MAP4K3: variants seen among roughly 807,000 people sequenced by gnomAD.
MAP4K3 encodes mitogen-activated protein kinase kinase kinase kinase 3.
Under a neutral mutation model 143.5 loss-of-function variants are expected in MAP4K3, and 94 were observed. The observed-to-expected ratio is 0.65, with a 90% CI of 0.55 to 0.78. MAP4K3 has a LOEUF of 0.78. Among genes scored for constraint, MAP4K3 ranks in the 30% least tolerant of loss-of-function variants. MAP4K3 has a pLI of 0.00. For missense variants in MAP4K3, 1,077 were observed against 1,068.1 expected, an observed-to-expected ratio of 1.01 and a Z score of -0.12; for synonymous variants, 416 against 347.2, an observed-to-expected ratio of 1.20 and a Z score of -2.20.
intron 21 of MAP4K3, 28 bp from the exon 22 acceptor site, chr2:39,282,582 A>G: frequency 6.4e-7 from 1 of 1,557,536 alleles, no homozygotes; most frequent in Middle Eastern, 1.7e-4. Flanking sequence ...GTATGATTAC[A>G]CTTTTTTTGC....
In MAP4K3 at chr2:39,260,496, T is replaced by C. The variant is rs916530815; in HGVS notation, c.2308+110A>G. 48 of 784,406 alleles carry C rather than the reference T, an allele frequency of 6.1e-5. No homozygotes were observed. The Admixed American group carries it at 1.3e-3, about 21-fold the overall frequency. 48.6% of individuals were successfully genotyped at this position (784,406 alleles called of 1,614,324 possible). A position where few individuals can be genotyped will look rare whatever the true frequency, so the allele number is the denominator to read the frequency against. On this transcript the variant is annotated intron_variant, in intron 29 of 33. Coordinates refer to ENST00000263881, the MANE Select transcript of MAP4K3 (RefSeq NM_003618.4). ...CCTTCTTCCAGTTTAATAATAGTTA[T>C]TGAAGACTGGCAGTATATGCAGTTT...
intron 1 of MAP4K3, among the ~76,000 whole-genome samples, chr2:39,404,405 C>T (rs1667036090): frequency 6.6e-6 from 1 of 152,082 alleles, no homozygotes; most frequent in African/African-American, 2.4e-5. Flanking sequence ...GACTGAAGAA[C>T]CCTCAGGTCT....
chr2:39,300,801 CAG>C (rs1462066520), intron 15 of MAP4K3, among the ~76,000 whole-genome samples: 1 of 152,218 alleles, frequency 6.6e-6, no homozygotes, highest in African/African-American at 2.4e-5. Context: ...ATTTAACACA[CAG>C]AGCTGCTCTA....
At chr2:39,392,129 G>A (rs1666679968) in intron 1 of MAP4K3, among the ~76,000 whole-genome samples, 1 of 131,404 alleles carries the variant, frequency 7.6e-6, no homozygotes, top group Non-Finnish European at 1.5e-5. Context: ...AGGTTGCAGT[G>A]AGCTGAGATT....
chr2:39,435,787 G>A (rs1378083793), intron 1 of MAP4K3, among the ~76,000 whole-genome samples: 1 of 152,166 alleles, frequency 6.6e-6, no homozygotes, highest in African/African-American at 2.4e-5. Flanking sequence ...ATATTGCATA[G>A]TAGGAAAAGT....
intron 1 of MAP4K3, among the ~76,000 whole-genome samples, chr2:39,387,909 T>C (rs1019823756): frequency 2.0e-5 from 3 of 152,238 alleles, no homozygotes; most frequent in African/African-American, 7.2e-5. Flanking sequence ...TAAAAACAGA[T>C]TGAGGCTATC....
chr2:39,274,566 G>C (rs1681170428), intron 24 of MAP4K3, among the ~76,000 whole-genome samples: 1 of 152,114 alleles, frequency 6.6e-6, no homozygotes, highest in African/African-American at 2.4e-5. Context: ...AGCTTTACTA[G>C]ATTTTCAATG....
At chr2:39,263,272 G>GTTT (rs869070441) in intron 28 of MAP4K3, among the ~76,000 whole-genome samples, 41 of 136,216 alleles carry the variant, frequency 3.0e-4, no homozygotes, top group African/African-American at 1.0e-3. Context: ...ACATATAGAA[G>GTTT]TTTTTTTTTT....
intron 8 of MAP4K3, 67 bp from the exon 9 acceptor site, chr2:39,326,344 G>A (rs777318894): frequency 3.2e-6 from 5 of 1,539,762 alleles, no homozygotes; most frequent in Non-Finnish European, 4.4e-6. Context: ...CCCACCCAGA[G>A]GCACAAGGAA....
chr2:39,399,580 C>A (rs895007113), intron 1 of MAP4K3, among the ~76,000 whole-genome samples: 1 of 152,132 alleles, frequency 6.6e-6, no homozygotes. Context: ...ATGAGTACAG[C>A]TGATTTTCAA....
At chr2:39,362,596 G>C (rs1022799193) in intron 2 of MAP4K3, among the ~76,000 whole-genome samples, 14 of 152,172 alleles carry the variant, frequency 9.2e-5, no homozygotes, top group African/African-American at 3.1e-4. Context: ...TGGACTGAAA[G>C]AGCATTGTTA....
intron 32 of MAP4K3, among the ~76,000 whole-genome samples, chr2:39,253,260 A>G (rs559000721): frequency 6.6e-6 from 1 of 152,178 alleles, no homozygotes; most frequent in East Asian, 1.9e-4. Flanking sequence ...GCCTCTCCCG[A>G]GTAGCTGGGA....
chr2:39,350,610 A>G (rs919651249), intron 3 of MAP4K3, among the ~76,000 whole-genome samples: 19 of 152,204 alleles, frequency 1.2e-4, no homozygotes, highest in African/African-American at 3.9e-4. Context: ...CTCTGGCTCT[A>G]GAAAAAATTT....
intron 2 of MAP4K3, among the ~76,000 whole-genome samples, chr2:39,362,584 T>A (rs1226935149): frequency 6.6e-6 from 1 of 152,224 alleles, no homozygotes; most frequent in Admixed American, 6.5e-5. Flanking sequence ...ATGCCATGTT[T>A]ATGGACTGAA....
intron 10 of MAP4K3, 33 bp from the exon 11 acceptor site, chr2:39,325,844 C>A (rs1249395032): frequency 6.4e-7 from 1 of 1,566,196 alleles, no homozygotes; most frequent in Non-Finnish European, 8.7e-7. Context: ...CTTTTACATT[C>A]CAATTCATTT....
At chr2:39,289,420 TTA>T (rs1681937895) in intron 19 of MAP4K3, among the ~76,000 whole-genome samples, 1 of 152,174 alleles carries the variant, frequency 6.6e-6, no homozygotes. Context: ...GCAACTCATA[TTA>T]TAATTAAAAT....
At chr2:39,285,265 G>A (rs1255984996) in intron 21 of MAP4K3, among the ~76,000 whole-genome samples, 1 of 152,090 alleles carries the variant, frequency 6.6e-6, no homozygotes, top group Non-Finnish European at 1.5e-5. Flanking sequence ...TAGAGCCATG[G>A]ACATATTTAT....
intron 28 of MAP4K3, among the ~76,000 whole-genome samples, chr2:39,264,275 T>C (rs1558607782): frequency 6.6e-6 from 1 of 152,222 alleles, no homozygotes; most frequent in East Asian, 1.9e-4. Flanking sequence ...ATAAGGCTAT[T>C]TTCCCCTGAG....
At chr2:39,353,785 G>A (rs1256000504) in intron 3 of MAP4K3, among the ~76,000 whole-genome samples, 5 of 151,996 alleles carry the variant, frequency 3.3e-5, no homozygotes, top group East Asian at 1.9e-4. Flanking sequence ...TAGTAGCAGC[G>A]GCAAATACCT....
Sources: gnomAD v4.1 joint callset for allele counts (sites outside exome capture counted in the v4.1 genomes callset) on GRCh38, gnomAD v4.1.1 for gene constraint, MANE v1.5 for transcripts, NCBI Gene and HGNC (gene_info 2026-07-23, HGNC 2026-07-21) for gene names.